The following ZNF841 variants were observed in gnomAD, a reference collection of about 807,000 sequenced individuals.
The protein encoded by ZNF841 is TCONS_00006091.
A neutral mutation model predicts 13.0 loss-of-function variants in ZNF841; 11 were observed. The observed-to-expected ratio is 0.85, with a 90% CI of 0.53 to 1.40. The LOEUF is 1.40. ZNF841 is among the 40% of genes most tolerant of loss of function. The pLI is 0.00. For synonymous variants in ZNF841, 369 were observed against 381.6 expected (o/e 0.97, Z 0.38); for missense variants, 1,068 against 1,139.5 (o/e 0.94, Z 0.90).
intron 6 of ZNF841, among the ~76,000 whole-genome samples, chr19:52,075,608 A>C (rs577962646): frequency 6.6e-6 from 1 of 152,310 alleles, no homozygotes; most frequent in East Asian, 1.9e-4. Flanking sequence ...AGCACTTTCA[A>C]GTATAGGAAA....
In ZNF841 at chr19:52,066,911, C is replaced by T; in HGVS notation, c.971G>A (p.Arg324Lys). ...AAGATCTGAATTTTGTCTGAAGATC[C>T]TGCCACATACATCACATTGGTATGG... is the stretch of plus-strand genomic sequence containing the variant. The part of the protein sequence containing the change: ...GKPYQCDVCG[R>K]IFRQNSDLVN... Residue 324 changes from arginine (R) to lysine (K), a missense_variant, in exon 7 of 7, where the codon AGG (arginine) becomes AAG (lysine). Physicochemically the swap from Arg to Lys is conservative, Grantham distance 26 (BLOSUM62 2). Coordinates refer to ENST00000594440, the MANE Select transcript of ZNF841 (RefSeq NM_001136499.2). 6.2e-7 allele frequency: 1 copy of T among 1,614,002 alleles called. No homozygotes were observed. Among genetic ancestry groups the T allele is most frequent in the Non-Finnish European group, 8.5e-7 (1 of 1,179,996 alleles).
chr19:52,091,130 G>A (rs183138427), intron 2 of ZNF841, among the ~76,000 whole-genome samples: 386 of 151,968 alleles, frequency 2.5e-3, no homozygotes, highest in African/African-American at 9.1e-3. Context: ...TCCTGTGTCC[G>A]TCCCCCTTTG....
intron 4 of ZNF841, among the ~76,000 whole-genome samples, chr19:52,077,520 G>A (rs377388623): frequency 4.2e-4 from 64 of 152,232 alleles, no homozygotes; most frequent in African/African-American, 1.3e-3. Context: ...CCCATGTACC[G>A]GGCATTACTT....
chr19:52,083,448 C>T (rs1386867863), intron 4 of ZNF841, among the ~76,000 whole-genome samples: 1 of 150,658 alleles, frequency 6.6e-6, no homozygotes, highest in South Asian at 2.1e-4. Context: ...AAAAATACTA[C>T]TATGTTCTTT....
chr19:52,078,556 G>A (rs1039039295), intron 4 of ZNF841, among the ~76,000 whole-genome samples: 5 of 151,844 alleles, frequency 3.3e-5, no homozygotes, highest in South Asian at 2.1e-4. Context: ...AAAATTAGCC[G>A]GGTGTGGTGG....
At chr19:52,091,596 T>C (rs2088499428) in intron 2 of ZNF841, among the ~76,000 whole-genome samples, 1 of 152,108 alleles carries the variant, frequency 6.6e-6, no homozygotes, top group Non-Finnish European at 1.5e-5. Flanking sequence ...AAGGACAGTC[T>C]CATCAATAAA....
intron 2 of ZNF841, among the ~76,000 whole-genome samples, chr19:52,091,575 T>C (rs993094297): frequency 2.6e-5 from 4 of 151,940 alleles, no homozygotes; most frequent in African/African-American, 7.3e-5. Context: ...ACCAAGAATA[T>C]ACAATGAGGA....
intron 4 of ZNF841, among the ~76,000 whole-genome samples, chr19:52,084,266 T>C (rs2088198147): frequency 6.6e-6 from 1 of 152,144 alleles, no homozygotes; most frequent in South Asian, 2.1e-4. Flanking sequence ...CTGTACCTAG[T>C]TTTCCATTCC....
intron 4 of ZNF841, among the ~76,000 whole-genome samples, 193 bp from the exon 5 acceptor site, chr19:52,077,277 C>G (rs2087936395): frequency 6.6e-6 from 1 of 152,152 alleles, no homozygotes; most frequent in South Asian, 2.1e-4. Flanking sequence ...AGGATATTAT[C>G]TAAATCGGTG....
At position 52,065,464 on chromosome 19, in the gene ZNF841, T is replaced by C; in HGVS notation, c.2418A>G (p.Ser806=). 1 of 1,614,114 alleles carries C rather than the reference T, an allele frequency of 6.2e-7. No individual in the cohort carries two copies. Among genetic ancestry groups the C allele is most frequent in the Non-Finnish European group, 8.5e-7 (1 of 1,180,004 alleles). ...GCATCATCTGATGATTAAGCAGAAT[T>C]GAACGTACTCTAAAGGCTTTGCCAC... is the stretch of plus-strand genomic sequence containing the variant. ...NECGKAFRVR[S]ILLNHQMMHT... Residue 806 remains serine (S), a synonymous_variant, in exon 7 of 7, where the codon TCA becomes TCG. Transcript: ENST00000594440.
intron 6 of ZNF841, among the ~76,000 whole-genome samples, chr19:52,070,667 G>A (rs903686355): frequency 3.3e-5 from 5 of 152,202 alleles, no homozygotes; most frequent in Non-Finnish European, 5.9e-5. Flanking sequence ...AGTTGGTCAC[G>A]TCCCACAGGC....
chr19:52,095,067 G>A (rs1251978722), intron 1 of ZNF841, among the ~76,000 whole-genome samples: 1 of 152,130 alleles, frequency 6.6e-6, no homozygotes, highest in Non-Finnish European at 1.5e-5. Flanking sequence ...ACATTCGGGA[G>A]GAAAGGGGAG....
At chr19:52,090,174 T>A (rs2088423837) in intron 2 of ZNF841, among the ~76,000 whole-genome samples, 3 of 152,158 alleles carry the variant, frequency 2.0e-5, no homozygotes. Context: ...CAGTCCTATT[T>A]GTAATAGCAT....
intron 3 of ZNF841, among the ~76,000 whole-genome samples, chr19:52,087,169 C>T (rs957899999): frequency 5.3e-5 from 8 of 152,190 alleles, no homozygotes; most frequent in African/African-American, 1.7e-4. Flanking sequence ...CACAGTTAAA[C>T]AAATTTTATG....
At chr19:52,092,885 C>G (rs1262317957) in intron 2 of ZNF841, among the ~76,000 whole-genome samples, 5 of 152,182 alleles carry the variant, frequency 3.3e-5, no homozygotes, top group Admixed American at 3.3e-4. Context: ...CTTTGGGAGG[C>G]CAAGGCGGGC....
intron 3 of ZNF841, among the ~76,000 whole-genome samples, chr19:52,087,590 G>A (rs975803726): frequency 3.7e-4 from 56 of 152,136 alleles, no homozygotes; most frequent in Admixed American, 3.1e-3. Context: ...CTAGCCTCCC[G>A]AACTACCAGA....
rs1009254704 is a variant in ZNF841 at position 52,066,025 on chromosome 19, A to G, written c.1857T>C (p.His619=). 1.4e-5 allele frequency: 23 copies of G among 1,613,972 alleles called. No individual in the cohort carries two copies. The highest frequency in any genetic ancestry group is 8.0e-5 in the African/African-American group (6 of 74,930). ...SGNLSIHRRS[H]TGEKPFQCNE... is the part of the protein sequence containing the mutation. ...TACACTGGAAAGGTTTCTCTCCGGT[A>G]TGACTTCGCCTATGAATTGAAAGGT... Residue 619 remains histidine (H), a synonymous_variant, in exon 7 of 7, where the codon CAT becomes CAC. Coordinates refer to ENST00000594440, the MANE Select transcript of ZNF841 (RefSeq NM_001136499.2).
chr19:52,085,267 C>T (rs963515644), intron 3 of ZNF841, among the ~76,000 whole-genome samples: 1 of 152,190 alleles, frequency 6.6e-6, no homozygotes, highest in African/African-American at 2.4e-5. Context: ...AAATTAGAAT[C>T]AATTTGGGTA....
chr19:52,083,347 GA>G (rs1568545732), intron 4 of ZNF841, among the ~76,000 whole-genome samples: 1 of 150,012 alleles, frequency 6.7e-6, no homozygotes, highest in Non-Finnish European at 1.5e-5. Context: ...CTATTTTGGT[GA>G]ATCTGGCAAG....
Sources: gnomAD v4.1 joint callset for allele counts (sites outside exome capture counted in the v4.1 genomes callset) on GRCh38, gnomAD v4.1.1 for gene constraint, MANE v1.5 for transcripts, NCBI Gene and HGNC (gene_info 2026-07-23, HGNC 2026-07-21) for gene names.